The following ZMIZ1 variants were observed in gnomAD, a reference collection of about 807,000 sequenced individuals.
ZMIZ1 encodes zinc finger MIZ domain-containing protein 1.
In ZMIZ1, 17 loss-of-function variants were observed where a neutral mutation model predicts 113.9. The observed-to-expected ratio is 0.15, with a 90% CI of 0.10 to 0.22. ZMIZ1 has a LOEUF of 0.22. Ranked by LOEUF, ZMIZ1 falls within the 10% of genes least tolerant of loss-of-function variation. The pLI is 1.00. For synonymous variants in ZMIZ1, 607 were observed against 603.1 expected (o/e 1.01, Z -0.09); for missense variants, 1,059 against 1,477.8 (o/e 0.72, Z 4.65).
chr10:79,180,787 C>T (rs542702130), intron 4 of ZMIZ1, among the ~76,000 whole-genome samples: 2 of 152,238 alleles, frequency 1.3e-5, no homozygotes, highest in South Asian at 2.1e-4. Flanking sequence ...CAGGGCCATG[C>T]AGAGAAGCCC....
intron 1 of ZMIZ1, among the ~76,000 whole-genome samples, chr10:79,106,040 G>A (rs537424164): frequency 6.6e-6 from 1 of 152,328 alleles, no homozygotes; most frequent in East Asian, 1.9e-4. Flanking sequence ...AGACGGTGGG[G>A]CTACAGAAAG....
rs543674837 is a variant in ZMIZ1 at position 79,157,752 on chromosome 10, C to G, written c.-130-4301C>G. 3.3e-5 allele frequency among the ~76,000 whole-genome samples: 5 copies of G among 152,300 alleles called. No individual in the cohort carries two copies. The South Asian group carries it at 1.0e-3, about 32-fold the overall frequency. On this transcript the variant is annotated intron_variant, in intron 3 of 24. Coordinates refer to ENST00000334512, the MANE Select transcript of ZMIZ1 (RefSeq NM_020338.4). ...GAATGCAGGAGGCGGGGCAGCCAGC[C>G]CCATTTGGATAACCATGGGGTAAAT...
intron 7 of ZMIZ1, among the ~76,000 whole-genome samples, chr10:79,243,990 C>T (rs771841714): frequency 7.9e-5 from 12 of 152,250 alleles, no homozygotes; most frequent in Non-Finnish European, 2.9e-5. Context: ...GCAGAGTGCG[C>T]CCCCACCCAG....
intron 4 of ZMIZ1, among the ~76,000 whole-genome samples, chr10:79,166,045 T>A (rs984087207): frequency 3.4e-4 from 49 of 145,900 alleles, no homozygotes; most frequent in Non-Finnish European, 7.6e-5. Context: ...TCTCTGCGTG[T>A]CTCTGTCCCA....
At chr10:79,256,843 C>T (rs1167352311) in intron 7 of ZMIZ1, among the ~76,000 whole-genome samples, 1 of 152,212 alleles carries the variant, frequency 6.6e-6, no homozygotes, top group Non-Finnish European at 1.5e-5. Context: ...CTGATCCTCA[C>T]AGAAAGGTTT....
intron 7 of ZMIZ1, among the ~76,000 whole-genome samples, chr10:79,249,250 G>C (rs1242896174): frequency 6.6e-6 from 1 of 152,178 alleles, no homozygotes; most frequent in Non-Finnish European, 1.5e-5. Context: ...GTCTCCTTGC[G>C]GTCCTTAGCT....
intron 7 of ZMIZ1, among the ~76,000 whole-genome samples, chr10:79,218,272 G>A (rs985241661): frequency 5.9e-5 from 9 of 152,152 alleles, no homozygotes; most frequent in East Asian, 3.8e-4. Context: ...TCAGTAGTTC[G>A]AGACCAGCCT....
intron 1 of ZMIZ1, among the ~76,000 whole-genome samples, chr10:79,089,662 G>A (rs1003941492): frequency 2.6e-5 from 4 of 152,192 alleles, no homozygotes; most frequent in East Asian, 1.9e-4. Context: ...TGTCAGTTCC[G>A]AGGGCCACTG....
intron 18 of ZMIZ1, 140 bp downstream of exon 18, chr10:79,302,352 G>A (rs918575534): frequency 5.9e-5 from 48 of 807,654 alleles, no homozygotes; most frequent in African/African-American, 2.4e-4. Flanking sequence ...CCCTGAGCGC[G>A]CCCTGTCCTG....
chr10:79,287,496 A>C (rs1853161678), intron 8 of ZMIZ1, among the ~76,000 whole-genome samples: 1 of 152,246 alleles, frequency 6.6e-6, no homozygotes, highest in African/African-American at 2.4e-5. Flanking sequence ...CTTTGACTGC[A>C]TTCTCCTCTT....
At chr10:79,308,768 C>T (rs1589617439) in intron 23 of ZMIZ1, among the ~76,000 whole-genome samples, 1 of 152,092 alleles carries the variant, frequency 6.6e-6, no homozygotes, top group East Asian at 1.9e-4. Flanking sequence ...GGGCATCCCA[C>T]ACCCAGAAGA....
chr10:79,172,442 GTAA>G (rs1312899823), intron 4 of ZMIZ1, among the ~76,000 whole-genome samples: 1 of 152,192 alleles, frequency 6.6e-6, no homozygotes, highest in Non-Finnish European at 1.5e-5. Flanking sequence ...TATGATAATA[GTAA>G]TAATGACAAC....
chr10:79,231,338 C>T (rs1849385922), intron 7 of ZMIZ1, among the ~76,000 whole-genome samples: 1 of 152,210 alleles, frequency 6.6e-6, no homozygotes, highest in Non-Finnish European at 1.5e-5. Context: ...ACCTCTGCCT[C>T]CCAGGTTCAA....
intron 7 of ZMIZ1, among the ~76,000 whole-genome samples, chr10:79,234,060 T>C (rs1849497438): frequency 6.6e-6 from 1 of 152,264 alleles, no homozygotes; most frequent in East Asian, 1.9e-4. Context: ...TCTGAGTCCT[T>C]GAATGCCAAT....
chr10:79,212,197 G>T (rs7098861), intron 6 of ZMIZ1, among the ~76,000 whole-genome samples: 1 of 150,446 alleles, frequency 6.6e-6, no homozygotes, highest in Admixed American at 6.6e-5. Context: ...TTGCTCTGTC[G>T]TCCAGGCTGG....
chr10:79,303,609 G>A (rs1854482721), intron 18 of ZMIZ1, among the ~76,000 whole-genome samples: 1 of 152,164 alleles, frequency 6.6e-6, no homozygotes, highest in South Asian at 2.1e-4. Flanking sequence ...GCAGGCAGCT[G>A]TCCGTTTCCA....
At chr10:79,305,661 A>G in intron 21 of ZMIZ1, 60 bp downstream of exon 21, 1 of 1,547,844 alleles carries the variant, frequency 6.5e-7, no homozygotes, top group African/African-American at 1.4e-5. Context: ...GATTAGAGCA[A>G]GGTGAGCAGG....
At chr10:79,119,904 C>CT (rs1202151674) in intron 2 of ZMIZ1, among the ~76,000 whole-genome samples, 2 of 152,210 alleles carry the variant, frequency 1.3e-5, no homozygotes, top group African/African-American at 4.8e-5. Flanking sequence ...GTATTAAACA[C>CT]TTACTGTGTG....
At chr10:79,188,554 G>A (rs1424025193) in intron 4 of ZMIZ1, among the ~76,000 whole-genome samples, 4 of 152,142 alleles carry the variant, frequency 2.6e-5, no homozygotes, top group Non-Finnish European at 4.4e-5. Flanking sequence ...TCGCACAGAC[G>A]TCTTTGTTTC....
Sources: allele counts gnomAD v4.1 joint callset (sites outside exome capture counted in the v4.1 genomes callset), GRCh38; gene constraint gnomAD v4.1.1; transcripts MANE v1.5; gene names NCBI Gene and HGNC (gene_info 2026-07-23, HGNC 2026-07-21).